PHKB: variants seen among roughly 807,000 people sequenced by gnomAD.
The protein encoded by PHKB is phosphorylase kinase regulatory subunit beta.
A neutral mutation model predicts 152.1 loss-of-function variants in PHKB; 122 were observed. The ratio of observed to expected loss-of-function variants is 0.80; its 90% confidence interval spans 0.69 to 0.93. The LOEUF (loss-of-function observed/expected upper bound fraction) is 0.93. PHKB is among the 40% of genes least tolerant of loss of function. The pLI is 0.00. For missense variants in PHKB, 1,304 were observed against 1,328.4 expected, an observed-to-expected ratio of 0.98 and a Z score of 0.29; for synonymous variants, 436 against 464.9, an observed-to-expected ratio of 0.94 and a Z score of 0.80.
chr16:47,594,294 A>G, intron 12 of PHKB, 80 bp downstream of exon 12: 1 of 752,252 alleles, frequency 1.3e-6, no homozygotes, highest in Non-Finnish European at 2.4e-6. Flanking sequence ...AGTCCTTTGT[A>G]AAAAACAATA....
intron 18 of PHKB, among the ~76,000 whole-genome samples, chr16:47,650,289 A>G (rs943042149): frequency 1.3e-5 from 2 of 152,206 alleles, no homozygotes; most frequent in African/African-American, 4.8e-5. Context: ...AAAACACATT[A>G]AAACAAATGT....
In PHKB at chr16:47,518,897, C is replaced by A. The variant is rs933040110; in HGVS notation, c.594+3296C>A. 2.0e-5 allele frequency among the ~76,000 whole-genome samples: 3 copies of A among 152,184 alleles called. No homozygotes were observed. The South Asian group carries it at 6.2e-4, about 32-fold the overall frequency. On this transcript the variant is annotated intron_variant, in intron 6 of 30. Transcript: ENST00000323584. ...CCATGTCTCGTTTCATGACATTCTC[C>A]ATTAATAAATATACTCTAAAAGTAG...
In PHKB at chr16:47,650,535, G is replaced by T; in HGVS notation, c.1798-9G>T. ...GTGCCATTACATCCTACCTCATTCT[G>T]TTTGACAGAATGCGCTGCAGTTCAT... On this transcript the variant is annotated splice_polypyrimidine_tract_variant and intron_variant, in intron 18 of 30. Transcript: ENST00000323584. 1.9e-6 allele frequency: 3 copies of T among 1,551,034 alleles called. No homozygotes were observed. The highest frequency in any genetic ancestry group is 2.7e-6 in the Non-Finnish European group (3 of 1,122,912).
At chr16:47,696,528 C>T (rs1182621046) in intron 29 of PHKB, 40 bp downstream of exon 29, 2 of 1,089,836 alleles carry the variant, frequency 1.8e-6, no homozygotes, top group South Asian at 1.2e-5. Flanking sequence ...TAAATGCCTT[C>T]TCTCTGCTCC....
At chr16:47,475,615 G>A (rs1969854941) in intron 1 of PHKB, among the ~76,000 whole-genome samples, 1 of 152,124 alleles carries the variant, frequency 6.6e-6, no homozygotes, top group South Asian at 2.1e-4. Flanking sequence ...ATAAGGCTTT[G>A]CTAAATGTAG....
chr16:47,602,413 A>G (rs919958901), intron 13 of PHKB, among the ~76,000 whole-genome samples: 8 of 151,862 alleles, frequency 5.3e-5, no homozygotes, highest in Non-Finnish European at 1.2e-4. Context: ...AAGCCAATTT[A>G]TTTTTCCTGT....
Position 47,622,819 on chromosome 16 carries a change from T to C in PHKB, c.1458+11899T>C, listed in dbSNP as rs118006347. Among the ~76,000 whole-genome samples, 988 of 152,354 alleles carry C rather than the reference T, an allele frequency of 6.5e-3. 13 individuals carry two copies. Among genetic ancestry groups the C allele is most frequent in the South Asian group, 0.044 (214 of 4,828 alleles). On this transcript the variant is annotated intron_variant, in intron 14 of 30. Transcript: ENST00000323584. ...TTGCTAAATCATGTACATATTTATA[T>C]AGATCTCAGCTAAAAACATATAGTA... is the stretch of plus-strand genomic sequence containing the variant.
chr16:47,509,520 A>G (rs1268493978), intron 4 of PHKB, among the ~76,000 whole-genome samples: 2 of 152,180 alleles, frequency 1.3e-5, no homozygotes, highest in Non-Finnish European at 2.9e-5. Flanking sequence ...TGAGCATACA[A>G]ATGTTCCATA....
chr16:47,580,506 A>G, intron 8 of PHKB, 148 bp downstream of exon 8: 1 of 547,258 alleles, frequency 1.8e-6, no homozygotes, highest in South Asian at 2.5e-5. Flanking sequence ...TTTGAAAATG[A>G]TTTGCCAGTT....
rs148034128 is a variant in PHKB at position 47,603,400 on chromosome 16, C to T, written c.1363+6869C>T. On this transcript the variant is annotated intron_variant, in intron 13 of 30. Coordinates refer to ENST00000323584, the MANE Select transcript of PHKB (RefSeq NM_000293.3). ...TGGCTAGTGACCTAAAGTGGGATTT[C>T]TGTGCAGCAGGCATTATAAACATCG... 4.9e-4 allele frequency among the ~76,000 whole-genome samples: 74 copies of T among 152,080 alleles called. 1 individual carries two copies. Among genetic ancestry groups the T allele is most frequent in the African/African-American group, 1.6e-3 (65 of 41,474 alleles).
chr16:47,467,872 A>G (rs776748178), intron 1 of PHKB, among the ~76,000 whole-genome samples: 1 of 152,020 alleles, frequency 6.6e-6, no homozygotes, highest in Non-Finnish European at 1.5e-5. Flanking sequence ...AGTAAGAGGA[A>G]CTCCCTAGAA....
chr16:47,547,376 C>T, intron 6 of PHKB, 57 bp from the exon 7 acceptor site: 1 of 1,068,020 alleles, frequency 9.4e-7, no homozygotes, highest in Non-Finnish European at 1.4e-6. Flanking sequence ...AGCCACCACA[C>T]CCGGCCTATG....
In PHKB at chr16:47,666,868, C is replaced by T. The variant is rs1265273797; in HGVS notation, c.2427+1893C>T. On this transcript the variant is annotated intron_variant, in intron 25 of 30. Coordinates refer to ENST00000323584, the MANE Select transcript of PHKB (RefSeq NM_000293.3). The stretch of plus-strand genomic sequence containing the variant: ...AATCATCCTTTGATTAGAATGAAAA[C>T]CTGTCCACTTACTCTCTGTCTCTTC... Among the ~76,000 whole-genome samples, 3 of 152,286 alleles carry T rather than the reference C, an allele frequency of 2.0e-5. No individual in the cohort carries two copies. In the East Asian group the frequency reaches 5.8e-4, roughly 29 times the overall value.
chr16:47,492,615 C>T (rs1305781852), intron 1 of PHKB, among the ~76,000 whole-genome samples: 1 of 152,130 alleles, frequency 6.6e-6, no homozygotes. Context: ...TTGGTTCACG[C>T]ACCCCAGCCT....
chr16:47,547,792 A>C, intron 7 of PHKB: 1 of 454,224 alleles, frequency 2.2e-6, no homozygotes, highest in East Asian at 4.5e-5. Context: ...CAGTACATGC[A>C]TGTCAGCCCT....
chr16:47,506,251 CT>C (rs1369750700), intron 4 of PHKB, among the ~76,000 whole-genome samples: 1 of 151,236 alleles, frequency 6.6e-6, no homozygotes, highest in Non-Finnish European at 1.5e-5. Context: ...TTCTTCAGGC[CT>C]GTAATTCAAG....
At chr16:47,498,189 C>T (rs1970265263) in intron 2 of PHKB, among the ~76,000 whole-genome samples, 1 of 152,172 alleles carries the variant, frequency 6.6e-6, no homozygotes, top group African/African-American at 2.4e-5. Flanking sequence ...TATGAAACTT[C>T]AATCTTACTT....
chr16:47,609,632 C>T (rs1972391217), intron 13 of PHKB, among the ~76,000 whole-genome samples: 2 of 151,446 alleles, frequency 1.3e-5, no homozygotes, highest in African/African-American at 2.4e-5. Context: ...TTTTCTATTC[C>T]TTCTTGAGTC....
At chr16:47,566,679 A>G (rs976277936) in intron 7 of PHKB, 2 of 842,630 alleles carry the variant, frequency 2.4e-6, no homozygotes, top group Non-Finnish European at 4.1e-6. Context: ...AGCAGTGGGA[A>G]GGATGGAACG....
Sources: allele counts gnomAD v4.1 joint callset (sites outside exome capture counted in the v4.1 genomes callset), GRCh38; gene constraint gnomAD v4.1.1; transcripts MANE v1.5; gene names NCBI Gene and HGNC (gene_info 2026-07-23, HGNC 2026-07-21).